The following SLCO3A1 variants were observed in gnomAD, a reference collection of about 807,000 sequenced individuals.
SLCO3A1 encodes PGE1 transporter.
A neutral mutation model predicts 63.1 loss-of-function variants in SLCO3A1; 27 were observed. That is an observed-to-expected ratio of 0.43 (90% CI 0.32 to 0.59). SLCO3A1 has a LOEUF of 0.59. Ranked by LOEUF, SLCO3A1 falls within the 20% of genes least tolerant of loss-of-function variation. The pLI is 0.09. For synonymous variants in SLCO3A1, 473 were observed against 409.9 expected (o/e 1.15, Z -1.86); for missense variants, 773 against 945.8 (o/e 0.82, Z 2.40).
At chr15:92,167,335 T>C (rs546481411), downstream of SLCO3A1, among the ~76,000 whole-genome samples, 2 of 152,330 alleles carry the variant, frequency 1.3e-5, no homozygotes, top group South Asian at 4.1e-4. Flanking sequence ...TGTTTCCTTT[T>C]AGGGACCGTT....
chr15:91,976,496 A>C (rs1485154946), intron 2 of SLCO3A1, among the ~76,000 whole-genome samples: 2 of 152,178 alleles, frequency 1.3e-5, no homozygotes, highest in Non-Finnish European at 2.9e-5. Flanking sequence ...AGCTGTAGCC[A>C]TGTACCAATT....
intron 2 of SLCO3A1, among the ~76,000 whole-genome samples, chr15:91,981,393 A>C (rs1158622992): frequency 6.6e-6 from 1 of 151,740 alleles, no homozygotes; most frequent in Admixed American, 6.6e-5. Context: ...ATCTCATCTC[A>C]TCTCTCTTTA....
intron 4 of SLCO3A1, 41 bp downstream of exon 4, chr15:92,104,583 G>T: frequency 3.1e-6 from 5 of 1,589,518 alleles, no homozygotes; most frequent in Non-Finnish European, 3.4e-6. Flanking sequence ...AACAGTAGGG[G>T]GATTGGGATG....
intron 2 of SLCO3A1, among the ~76,000 whole-genome samples, chr15:91,982,982 A>C (rs935743122): frequency 3.3e-5 from 5 of 152,268 alleles, no homozygotes; most frequent in African/African-American, 1.2e-4. Flanking sequence ...ACGGAATGGC[A>C]GCCCCTGCTT....
chr15:92,149,798 A>G (rs1012481560), intron 8 of SLCO3A1: 5 of 152,206 alleles, frequency 3.3e-5, no homozygotes, highest in African/African-American at 1.2e-4. Context: ...AAGGAAATCA[A>G]ATTTCAGGTG....
intron 2 of SLCO3A1, among the ~76,000 whole-genome samples, chr15:91,983,195 G>T (rs1040706504): frequency 1.3e-5 from 2 of 152,208 alleles, no homozygotes; most frequent in African/African-American, 4.8e-5. Flanking sequence ...GCCAGGCATG[G>T]CCCTATATGC....
At chr15:92,076,744 A>G (rs2047282369) in intron 2 of SLCO3A1, among the ~76,000 whole-genome samples, 1 of 152,156 alleles carries the variant, frequency 6.6e-6, no homozygotes, top group Admixed American at 6.5e-5. Flanking sequence ...CCCCACCTGC[A>G]CTCAGAGCCC....
At chr15:92,110,023 G>A (rs1305906986) in intron 4 of SLCO3A1, among the ~76,000 whole-genome samples, 1 of 152,192 alleles carries the variant, frequency 6.6e-6, no homozygotes, top group Non-Finnish European at 1.5e-5. Flanking sequence ...AGAGGAGAAA[G>A]GGAATCAGGC....
intron 2 of SLCO3A1, among the ~76,000 whole-genome samples, chr15:92,067,406 G>GT (rs5814515): frequency 0.12 from 17,853 of 152,260 alleles, 1,197 homozygotes; most frequent in East Asian, 0.27. Context: ...CGAGGGAGAA[G>GT]TGAGACTATT....
At chr15:91,899,628 T>C (rs562412538) in intron 1 of SLCO3A1, among the ~76,000 whole-genome samples, 1 of 152,310 alleles carries the variant, frequency 6.6e-6, no homozygotes, top group South Asian at 2.1e-4. Flanking sequence ...ATAATTTATA[T>C]ACCATAAAAT....
intron 2 of SLCO3A1, among the ~76,000 whole-genome samples, chr15:91,938,512 T>A (rs1328683600): frequency 6.6e-6 from 1 of 150,694 alleles, no homozygotes; most frequent in Non-Finnish European, 1.5e-5. Flanking sequence ...TCTAGGTATT[T>A]GTGTCACAGT....
intron 4 of SLCO3A1, among the ~76,000 whole-genome samples, chr15:92,114,182 T>C (rs2047763836): frequency 6.6e-6 from 1 of 152,024 alleles, no homozygotes. Flanking sequence ...AGCAAGGGTC[T>C]GAATATGTTT....
chr15:92,168,039 G>A (rs2048502705), downstream of SLCO3A1, among the ~76,000 whole-genome samples: 1 of 152,194 alleles, frequency 6.6e-6, no homozygotes, highest in Non-Finnish European at 1.5e-5. Context: ...CCAAGCCCTA[G>A]ATCAGATGCA....
At position 92,154,170 on chromosome 15, in the gene SLCO3A1, A is replaced by G. The variant is rs1277411741; in HGVS notation, c.1753+3156A>G. 2.0e-5 allele frequency among the ~76,000 whole-genome samples: 3 copies of G among 152,188 alleles called. No individual in the cohort carries two copies. In the East Asian group the frequency reaches 5.8e-4, roughly 29 times the overall value. Reference sequence around the variant, plus strand: ...GTGCTCGCAGGATGGGGAGAGGGGTAGGGTTGAGAAATAAAAGGAGGAATC... The same window carrying G: ...GTGCTCGCAGGATGGGGAGAGGGGTGGGGTTGAGAAATAAAAGGAGGAATC... On this transcript the variant is annotated intron_variant, in intron 9 of 9. Transcript: ENST00000318445.
In SLCO3A1 at chr15:91,872,482, C is replaced by T. The variant is rs1030455235; in HGVS notation, c.180+18394C>T. ...GGGAGGCGGATAGGTTGCAGTGAGC[C>T]GAGACCATGCCACCGCACTCCAGCC... On this transcript the variant is annotated intron_variant, in intron 1 of 9. Transcript: ENST00000318445. This position sits in a 1 kb window ranked among gnomAD's most constrained non-coding sequence, Gnocchi z 4.1. Among the ~76,000 whole-genome samples, 3 of 151,384 alleles carry T rather than the reference C, an allele frequency of 2.0e-5. No individual in the cohort carries two copies. Among genetic ancestry groups the T allele is most frequent in the Admixed American group, 6.6e-5 (1 of 15,204 alleles).
At chr15:91,992,578 T>C (rs1282789781) in intron 2 of SLCO3A1, among the ~76,000 whole-genome samples, 2 of 152,214 alleles carry the variant, frequency 1.3e-5, no homozygotes, top group African/African-American at 4.8e-5. Context: ...CCATCTGGCA[T>C]GCAGTATTGT....
rs1030178374 is a variant in SLCO3A1 at position 91,950,153 on chromosome 15, A to G, written c.646+33695A>G. Among the ~76,000 whole-genome samples, 2 of 152,286 alleles carry G rather than the reference A, an allele frequency of 1.3e-5. No individual in the cohort carries two copies. The highest frequency in any genetic ancestry group is 4.8e-5 in the African/African-American group (2 of 41,554). On this transcript the variant is annotated intron_variant, in intron 2 of 9. Coordinates refer to ENST00000318445, the MANE Select transcript of SLCO3A1 (RefSeq NM_013272.4). This position sits in a 1 kb window ranked among gnomAD's most constrained non-coding sequence, Gnocchi z 4.4. Reference sequence around the variant, plus strand: ...AGGCAGATTGAAGCTGCCCCTGGGGAAGAAAGTTGTAACAGGCAGAGGAAG... The same window carrying G: ...AGGCAGATTGAAGCTGCCCCTGGGGGAGAAAGTTGTAACAGGCAGAGGAAG...
chr15:91,964,981 G>T (rs1900604247), intron 2 of SLCO3A1, among the ~76,000 whole-genome samples: 1 of 152,044 alleles, frequency 6.6e-6, no homozygotes, highest in African/African-American at 2.4e-5. Context: ...TTTTCTGCGT[G>T]TGCCATGCCA....
At chr15:92,137,899 G>T (rs1278060746) in intron 7 of SLCO3A1, among the ~76,000 whole-genome samples, 2 of 118,216 alleles carry the variant, frequency 1.7e-5, no homozygotes, top group African/African-American at 4.3e-5. Context: ...AGTAGGTTGC[G>T]AAAATTTTCT....
Sources: allele counts gnomAD v4.1 joint callset (sites outside exome capture counted in the v4.1 genomes callset), GRCh38; gene constraint gnomAD v4.1.1; non-coding constraint Gnocchi (gnomAD v3.1); transcripts MANE v1.5; gene names NCBI Gene and HGNC (gene_info 2026-07-23, HGNC 2026-07-21).